SLC10A7: variants seen among roughly 807,000 people sequenced by gnomAD.
SLC10A7 encodes sodium/bile acid cotransporter 7.
A neutral mutation model predicts 43.2 loss-of-function variants in SLC10A7; 29 were observed. That is an observed-to-expected ratio of 0.67 (90% CI 0.50 to 0.92). SLC10A7 has a LOEUF of 0.92. Ranked by LOEUF, SLC10A7 falls within the 40% of genes least tolerant of loss-of-function variation. The pLI, the probability that SLC10A7 is intolerant of heterozygous loss-of-function variation, is 0.00. For synonymous variants in SLC10A7, 152 were observed against 144.8 expected, an observed-to-expected ratio of 1.05 and a Z score of -0.35; for missense variants, 295 against 403.2, an observed-to-expected ratio of 0.73 and a Z score of 2.30.
At chr4:146,338,722 C>T (rs564038324) in intron 5 of SLC10A7, among the ~76,000 whole-genome samples, 6 of 152,020 alleles carry the variant, frequency 3.9e-5, no homozygotes, top group East Asian at 1.9e-4. Context: ...TACCACACTG[C>T]CTCCTACAAA....
At chr4:146,381,020 A>G (rs772364983) in intron 5 of SLC10A7, among the ~76,000 whole-genome samples, 3 of 152,140 alleles carry the variant, frequency 2.0e-5, no homozygotes, top group Non-Finnish European at 4.4e-5. Context: ...CCACTCATTT[A>G]TAATTAGAAT....
intron 5 of SLC10A7, among the ~76,000 whole-genome samples, chr4:146,433,925 A>G (rs1414613183): frequency 1.3e-5 from 2 of 152,178 alleles, no homozygotes; most frequent in Non-Finnish European, 2.9e-5. Context: ...ATTTTAAAGT[A>G]TGCAGCATTT....
intron 4 of SLC10A7, among the ~76,000 whole-genome samples, chr4:146,488,402 T>C (rs1333099306): frequency 6.6e-6 from 1 of 152,154 alleles, no homozygotes; most frequent in Admixed American, 6.5e-5. Flanking sequence ...AAAATATTTA[T>C]TGAGCATCTC....
intron 5 of SLC10A7, among the ~76,000 whole-genome samples, chr4:146,429,959 C>A (rs925583487): frequency 2.0e-5 from 3 of 151,900 alleles, no homozygotes; most frequent in Non-Finnish European, 4.4e-5. Context: ...AAGTAACAAA[C>A]CCCAACTAAT....
chr4:146,411,528 T>C (rs1579118534), intron 5 of SLC10A7, among the ~76,000 whole-genome samples: 2 of 152,196 alleles, frequency 1.3e-5, no homozygotes, highest in African/African-American at 4.8e-5. Flanking sequence ...GAAGGAGGTG[T>C]ATGCTAATTA....
chr4:146,343,720 TA>T (rs1423072674), intron 5 of SLC10A7, among the ~76,000 whole-genome samples: 1 of 151,934 alleles, frequency 6.6e-6, no homozygotes, highest in Non-Finnish European at 1.5e-5. Context: ...AGTACAATAA[TA>T]AAGTACTTAA....
Position 146,307,208 on chromosome 4 carries a change from G to T in SLC10A7, c.472-1199C>A, listed in dbSNP as rs139718340. On this transcript the variant is annotated intron_variant, in intron 6 of 11. Coordinates refer to ENST00000335472, the MANE Select transcript of SLC10A7 (RefSeq NM_001029998.6). ...GCCCCAATCTGCATACACTCAAAAT[G>T]CCAAGAATATATATCTGGCCCATCA... Among the ~76,000 whole-genome samples, 343 of 151,918 alleles carry T rather than the reference G, an allele frequency of 2.3e-3. 1 individual carries two copies. Among genetic ancestry groups the T allele is most frequent in the Admixed American group, 5.6e-3 (85 of 15,238 alleles).
At chr4:146,494,793 A>C (rs868555841) in intron 4 of SLC10A7, among the ~76,000 whole-genome samples, 5 of 152,204 alleles carry the variant, frequency 3.3e-5, no homozygotes, top group Non-Finnish European at 5.9e-5. Flanking sequence ...TTGGTGACTA[A>C]AAATCACTGC....
At chr4:146,377,042 C>T (rs1205035516) in intron 5 of SLC10A7, among the ~76,000 whole-genome samples, 1 of 151,928 alleles carries the variant, frequency 6.6e-6, no homozygotes. Context: ...TATAAGCATG[C>T]CAGGGCAAAT....
At chr4:146,515,909 C>CAA (rs57840725) in intron 2 of SLC10A7, among the ~76,000 whole-genome samples, 152 of 79,128 alleles carry the variant, frequency 1.9e-3, no homozygotes, top group Non-Finnish European at 2.7e-3. Flanking sequence ...GATTCCATCT[C>CAA]AAAAAAAAAA....
At chr4:146,521,078 G>A (rs1290713334) in intron 1 of SLC10A7, among the ~76,000 whole-genome samples, 1 of 152,128 alleles carries the variant, frequency 6.6e-6, no homozygotes, top group Non-Finnish European at 1.5e-5. Context: ...TGTAATCAAA[G>A]AGTGCAACGT....
At position 146,327,978 on chromosome 4, in the gene SLC10A7, C is replaced by G. The variant is rs80070864; in HGVS notation, c.436-1982G>C. Among the ~76,000 whole-genome samples, 175 of 152,320 alleles carry G rather than the reference C, an allele frequency of 1.1e-3. 1 individual carries two copies. The East Asian group carries it at 0.02, about 17-fold the overall frequency. On this transcript the variant is annotated intron_variant, in intron 5 of 11. Coordinates refer to ENST00000335472, the MANE Select transcript of SLC10A7 (RefSeq NM_001029998.6). The stretch of plus-strand genomic sequence containing the variant: ...AGACCAGAGGTCAGGCCAGCCCCAC[C>G]TGCCACAAGTGCACTGGCACCTCTG...
chr4:146,314,832 A>T (rs1732217934), intron 6 of SLC10A7, among the ~76,000 whole-genome samples: 2 of 152,246 alleles, frequency 1.3e-5, no homozygotes, highest in South Asian at 4.1e-4. Flanking sequence ...TTCTCTGCCA[A>T]TTATGCACCT....
At chr4:146,467,643 A>G (rs1462514945) in intron 4 of SLC10A7, among the ~76,000 whole-genome samples, 1 of 139,578 alleles carries the variant, frequency 7.2e-6, no homozygotes, top group Non-Finnish European at 1.5e-5. Context: ...GCATACTGCA[A>G]TCTCTGCCTC....
chr4:146,334,568 GAAAGAATCTTGAGGATTCTTA>G (rs1443295841), intron 5 of SLC10A7, among the ~76,000 whole-genome samples: 1 of 152,056 alleles, frequency 6.6e-6, no homozygotes, highest in African/African-American at 2.4e-5. Flanking sequence ...GCTTTGTTTT[GAAAGAATCTTGAGGATTCTTA>G]AAATTCATAG....
chr4:146,418,156 T>A (rs1728709106), intron 5 of SLC10A7, among the ~76,000 whole-genome samples: 1 of 152,218 alleles, frequency 6.6e-6, no homozygotes, highest in African/African-American at 2.4e-5. Flanking sequence ...ATTTGCGCTC[T>A]TCTTCCTAAG....
intron 2 of SLC10A7, chr4:146,515,253 A>G: frequency 1.5e-6 from 1 of 681,940 alleles, no homozygotes; most frequent in Non-Finnish European, 2.7e-6. Flanking sequence ...CAACGCCCCA[A>G]GTAAAGGACT....
intron 3 of SLC10A7, among the ~76,000 whole-genome samples, chr4:146,507,893 T>C (rs1282870964): frequency 1.3e-5 from 2 of 152,220 alleles, no homozygotes; most frequent in African/African-American, 2.4e-5. Context: ...TTACGGTAAG[T>C]GTACACTCCT....
intron 2 of SLC10A7, chr4:146,515,229 C>T (rs1012662979): frequency 1.4e-6 from 1 of 698,406 alleles, no homozygotes. Context: ...AAGCAGCCAC[C>T]AGGGGACATA....
Sources: allele counts gnomAD v4.1 joint callset (sites outside exome capture counted in the v4.1 genomes callset), GRCh38; gene constraint gnomAD v4.1.1; transcripts MANE v1.5; gene names NCBI Gene and HGNC (gene_info 2026-07-23, HGNC 2026-07-21).